ERI1: variants seen among roughly 807,000 people sequenced by gnomAD.
ERI1 encodes the protein exoribonuclease 1, also known as 3'-5' exoribonuclease 1.
Under a neutral mutation model 39.7 loss-of-function variants are expected in ERI1, and 39 were observed. The observed-to-expected ratio is 0.98, with a 90% CI of 0.76 to 1.28. The LOEUF is 1.28. ERI1 is among the 50% of genes most tolerant of loss of function. The pLI is 0.00. For missense variants in ERI1, 581 were observed against 416.9 expected (o/e 1.39, Z -3.43); for synonymous variants, 204 against 149.6 (o/e 1.36, Z -2.65).
chr8:9,018,741 C>T (rs1817568886), intron 5 of ERI1, among the ~76,000 whole-genome samples: 1 of 151,834 alleles, frequency 6.6e-6, no homozygotes, highest in Non-Finnish European at 1.5e-5. Context: ...TCCCACGCTA[C>T]CTGTTTAATC....
At chr8:9,093,518 AAAAAGAAG>A (rs1799777270) in intron 3 of ERI1, among the ~76,000 whole-genome samples, 1 of 150,794 alleles carries the variant, frequency 6.6e-6, no homozygotes, top group Middle Eastern at 3.2e-3. Flanking sequence ...AAAAAAAAAA[AAAAAGAAG>A]AAGAAGAAGA....
At chr8:9,079,467 G>A (rs1015585480) in intron 3 of ERI1, among the ~76,000 whole-genome samples, 1 of 152,208 alleles carries the variant, frequency 6.6e-6, no homozygotes, top group Non-Finnish European at 1.5e-5. Flanking sequence ...ATGCAAAAAT[G>A]TTGGTTGTGA....
chr8:9,007,987 A>G lies in ERI1; in HGVS notation c.126A>G (p.Lys42=), dbSNP rs202057926. Residue 42 remains lysine, a synonymous_variant, in exon 2 of 7, where the codon AAA becomes AAG. Transcript: ENST00000250263. ...TTTGGTAGGAAACTCAACAGTGTAA[A>G]TTTGATGGCCAGGAGACAAAAGGAT... ...RPSPEETQQC[K]FDGQETKGSK... 1.1e-5 allele frequency: 14 copies of G among 1,229,596 alleles called. 1 individual carries two copies. The East Asian group carries it at 3.2e-4, about 28-fold the overall frequency. The allele number at this position is 1,229,596 out of a possible 1,614,324, so 76.2% of individuals were successfully genotyped here.
chr8:9,079,953 A>G (rs10090834), intron 3 of ERI1, among the ~76,000 whole-genome samples: 79,537 of 150,190 alleles, frequency 0.53, 22,515 homozygotes, highest in African/African-American at 0.69. Context: ...TTACAGGTGT[A>G]AGCCACTATG....
intron 3 of ERI1, among the ~76,000 whole-genome samples, chr8:9,045,075 A>T (rs937311444): frequency 1.3e-5 from 2 of 151,824 alleles, no homozygotes; most frequent in African/African-American, 4.8e-5. Flanking sequence ...GTCTCTACAA[A>T]AATACAAAAA....
At chr8:9,026,288 C>T (rs533741098) in intron 6 of ERI1, among the ~76,000 whole-genome samples, 53 of 152,306 alleles carry the variant, frequency 3.5e-4, no homozygotes, top group African/African-American at 1.3e-3. Context: ...AAGTGCACAA[C>T]AGTTCAGTGG....
chr8:9,079,934 G>A (rs1332692418), intron 3 of ERI1, among the ~76,000 whole-genome samples: 1 of 150,614 alleles, frequency 6.6e-6, no homozygotes, highest in Non-Finnish European at 1.5e-5. Context: ...GCCTCCCAAA[G>A]TGCTGTGATT....
chr8:9,095,233 T>G (rs1490022140), intron 3 of ERI1, among the ~76,000 whole-genome samples: 1 of 152,188 alleles, frequency 6.6e-6, no homozygotes, highest in African/African-American at 2.4e-5. Context: ...TGTGCAGGTT[T>G]GTTACATGGG....
At chr8:9,077,529 G>A (rs1799245126) in intron 3 of ERI1, among the ~76,000 whole-genome samples, 1 of 152,150 alleles carries the variant, frequency 6.6e-6, no homozygotes, top group South Asian at 2.1e-4. Flanking sequence ...GGGGCTGGGG[G>A]CTCCTGGAGG....
downstream of ERI1, among the ~76,000 whole-genome samples, chr8:9,037,251 G>A (rs936436875): frequency 5.9e-5 from 9 of 152,142 alleles, no homozygotes; most frequent in African/African-American, 2.2e-4. Context: ...TAGGGTAATA[G>A]TTACTCCCCT....
intron 3 of ERI1, among the ~76,000 whole-genome samples, chr8:9,075,563 G>A (rs890056619): frequency 3.3e-5 from 5 of 150,538 alleles, no homozygotes; most frequent in Non-Finnish European, 7.4e-5. Context: ...CCTATTATTA[G>A]AAGTGGAAAT....
At chr8:9,049,795 C>T (rs1352341414) in intron 3 of ERI1, 1 of 152,176 alleles carries the variant, frequency 6.6e-6, no homozygotes, top group African/African-American at 2.4e-5. Flanking sequence ...GATGGGATTT[C>T]TGCATCAAAG....
rs1040492599 is a variant in ERI1, at chr8:9,082,315, C to G, written n.300-34033C>G. Among the ~76,000 whole-genome samples the G allele has an allele frequency of 2.6e-5, 4 of 152,292 alleles. No homozygotes were observed. In the Middle Eastern group the frequency reaches 0.01, roughly 389 times the overall value. On this transcript the variant is annotated intron_variant and non_coding_transcript_variant, in intron 3 of 3. Transcript: ENST00000518663. ...TTGACTCATGGTGTTTTATCACTTC[C>G]TTCCTCTGGCTCACGTCCAGTAGAC...
intron 3 of ERI1, among the ~76,000 whole-genome samples, chr8:9,058,266 G>A (rs1798577115): frequency 2.0e-5 from 3 of 152,188 alleles, no homozygotes; most frequent in African/African-American, 7.2e-5. Flanking sequence ...TGGAGTGAAT[G>A]TGCGCTGAGA....
At chr8:9,036,824 G>C (rs1797859109), downstream of ERI1, among the ~76,000 whole-genome samples, 1 of 152,156 alleles carries the variant, frequency 6.6e-6, no homozygotes, top group African/African-American at 2.4e-5. Flanking sequence ...TCCCCTTGAA[G>C]TGTCCATTCT....
intron 3 of ERI1, among the ~76,000 whole-genome samples, chr8:9,051,949 C>G (rs1318010416): frequency 6.6e-6 from 1 of 152,158 alleles, no homozygotes; most frequent in Non-Finnish European, 1.5e-5. Flanking sequence ...GATTGAGAGC[C>G]CAGGCTCAGA....
At chr8:9,012,760 A>G (rs1816798290) in intron 3 of ERI1, among the ~76,000 whole-genome samples, 1 of 152,144 alleles carries the variant, frequency 6.6e-6, no homozygotes, top group Admixed American at 6.5e-5. Context: ...AACATGTTAT[A>G]TTTTTCACAC....
At chr8:9,043,498 A>G (rs944507681) in intron 3 of ERI1, among the ~76,000 whole-genome samples, 1 of 152,258 alleles carries the variant, frequency 6.6e-6, no homozygotes, top group Non-Finnish European at 1.5e-5. Context: ...CTCTTATGGA[A>G]GATGGAGACA....
intron 3 of ERI1, among the ~76,000 whole-genome samples, chr8:9,077,433 G>T (rs1233366698): frequency 6.6e-6 from 1 of 152,166 alleles, no homozygotes; most frequent in African/African-American, 2.4e-5. Flanking sequence ...AATTTATCAT[G>T]TGCCTATGTG....
Sources: allele counts gnomAD v4.1 joint callset (sites outside exome capture counted in the v4.1 genomes callset), GRCh38; gene constraint gnomAD v4.1.1; transcripts MANE v1.5; gene names NCBI Gene and HGNC (gene_info 2026-07-23, HGNC 2026-07-21).